The following SLC16A7 variants were observed in gnomAD, a reference collection of about 807,000 sequenced individuals.
SLC16A7 encodes monocarboxylate transporter 2.
A neutral mutation model predicts 34.9 loss-of-function variants in SLC16A7; 33 were observed. The ratio of observed to expected loss-of-function variants is 0.94; its 90% CI spans 0.72 to 1.26. The LOEUF (loss-of-function observed/expected upper bound fraction) is 1.26. SLC16A7 is among the 50% of genes most tolerant of loss of function. The pLI, the probability that SLC16A7 is intolerant of heterozygous loss-of-function variation, is 0.00. For missense variants in SLC16A7, 573 were observed against 578.1 expected, an observed-to-expected ratio of 0.99 and a Z score of 0.09; for synonymous variants, 201 against 206.6, an observed-to-expected ratio of 0.97 and a Z score of 0.23.
intron 2 of SLC16A7, among the ~76,000 whole-genome samples, chr12:59,668,392 G>A (rs1473551018): frequency 1.3e-5 from 2 of 152,196 alleles, no homozygotes; most frequent in South Asian, 2.1e-4. Context: ...GCATCAGCAT[G>A]TCCTGGATTT....
chr12:59,626,585 G>A (rs1879940129), intron 1 of SLC16A7, among the ~76,000 whole-genome samples: 1 of 151,630 alleles, frequency 6.6e-6, no homozygotes, highest in African/African-American at 2.4e-5. Flanking sequence ...CTCAAACACA[G>A]GAGTGCTGAT....
intron 1 of SLC16A7, among the ~76,000 whole-genome samples, chr12:59,597,474 C>T (rs1010701450): frequency 9.2e-5 from 14 of 152,078 alleles, no homozygotes; most frequent in African/African-American, 3.1e-4. Context: ...CCTGTCACCC[C>T]ATGCTTCATG....
At chr12:59,601,331 C>G (rs1358839988) in intron 1 of SLC16A7, among the ~76,000 whole-genome samples, 1 of 152,012 alleles carries the variant, frequency 6.6e-6, no homozygotes, top group Non-Finnish European at 1.5e-5. Context: ...TCTTTTTTAA[C>G]TAGATTAGAT....
At chr12:59,669,480 G>T (rs1307961891) in intron 2 of SLC16A7, among the ~76,000 whole-genome samples, 1 of 152,008 alleles carries the variant, frequency 6.6e-6, no homozygotes, top group Non-Finnish European at 1.5e-5. Flanking sequence ...CTAAGTGCTG[G>T]TCTAATTCAC....
intron 3 of SLC16A7, among the ~76,000 whole-genome samples, chr12:59,720,997 G>A (rs572804193): frequency 6.6e-6 from 1 of 152,096 alleles, no homozygotes; most frequent in South Asian, 2.1e-4. Flanking sequence ...AAAGCCATCA[G>A]CTTAGTTCCT....
At position 59,774,856 on chromosome 12, in the gene SLC16A7, T is replaced by C. The variant is rs773171578; in HGVS notation, c.561T>C (p.Asn187=). 4 of 1,613,828 alleles carry C rather than the reference T, an allele frequency of 2.5e-6. No homozygotes were observed. The highest frequency in any genetic ancestry group is 3.4e-6 in the Non-Finnish European group (4 of 1,179,980). ...SFLILGSLLL[N]ACVAGSLMRP... is the part of the protein sequence containing the mutation. ...TGATTTTGGGAAGTCTACTTTTGAA[T>C]GCCTGTGTGGCTGGTTCCCTCATGA... The change falls in exon 5 of 6, where the codon AAT becomes AAC. Residue 187 remains asparagine, a synonymous_variant. Coordinates refer to ENST00000547379, the MANE Select transcript of SLC16A7 (RefSeq NM_001270623.2).
chr12:59,724,034 C>T (rs188417289), intron 3 of SLC16A7, among the ~76,000 whole-genome samples: 1 of 152,000 alleles, frequency 6.6e-6, no homozygotes, highest in African/African-American at 2.4e-5. Flanking sequence ...GTTGGCCTAC[C>T]GATTGATATA....
chr12:59,671,799 G>GTATATATGTGTATA (rs1280465278), intron 2 of SLC16A7, among the ~76,000 whole-genome samples: 1 of 139,810 alleles, frequency 7.2e-6, no homozygotes, highest in African/African-American at 2.7e-5. Context: ...ATGTATATAT[G>GTATATATGTGTATA]TATATATGTG....
intron 3 of SLC16A7, among the ~76,000 whole-genome samples, chr12:59,739,820 T>G (rs1054400937): frequency 6.6e-6 from 1 of 152,216 alleles, no homozygotes. Context: ...TTTCATGTGT[T>G]TTTTGGCTGC....
At chr12:59,774,534 C>G (rs1342154672) in intron 4 of SLC16A7, 123 bp from the exon 5 acceptor site, 1 of 581,266 alleles carries the variant, frequency 1.7e-6, no homozygotes, top group African/African-American at 1.9e-5. Flanking sequence ...TCAAAATGTA[C>G]TATATGATAT....
intron 2 of SLC16A7, among the ~76,000 whole-genome samples, chr12:59,703,043 C>CATA (rs1487196017): frequency 1.3e-5 from 2 of 152,024 alleles, no homozygotes; most frequent in Non-Finnish European, 2.9e-5. Flanking sequence ...ATTTATTTAG[C>CATA]ATAATAAGTA....
At chr12:59,637,945 C>G (rs563761580) in intron 1 of SLC16A7, among the ~76,000 whole-genome samples, 11 of 152,230 alleles carry the variant, frequency 7.2e-5, no homozygotes, top group Middle Eastern at 3.4e-3. Context: ...AATGATGCAG[C>G]AGGAAGGCCT....
Position 59,704,518 on chromosome 12 carries a change from C to T in SLC16A7, c.-30-254C>T, listed in dbSNP as rs148088769. Among the ~76,000 whole-genome samples, 214 of 152,170 alleles carry T rather than the reference C, an allele frequency of 1.4e-3. 1 individual carries two copies. The highest frequency in any genetic ancestry group is 0.01 in the Middle Eastern group (3 of 294). On this transcript the variant is annotated intron_variant, in intron 2 of 5. Transcript: ENST00000547379. ...CAGTTCAGATCTAAATTCTTAACTT[C>T]ACTTTGAGTAATTTTTGTTTCAATA... is the stretch of plus-strand genomic sequence containing the variant.
chr12:59,696,825 A>C (rs1002199483), intron 2 of SLC16A7, among the ~76,000 whole-genome samples: 1 of 151,996 alleles, frequency 6.6e-6, no homozygotes, highest in Admixed American at 6.6e-5. Flanking sequence ...GAAGAAAAAC[A>C]AAATAAGTAG....
At position 59,688,553 on chromosome 12, in the gene SLC16A7, A is replaced by G. The variant is rs139819078; in HGVS notation, c.-30-16219A>G. ...AAATTGTTAAGTGTCTTGCTTATTGATACTTACCTGTACCATAACAGGTGG... is the reference window on the plus strand; with the variant it reads ...AAATTGTTAAGTGTCTTGCTTATTGGTACTTACCTGTACCATAACAGGTGG... On this transcript the variant is annotated intron_variant, in intron 2 of 5. Coordinates refer to ENST00000547379, the MANE Select transcript of SLC16A7 (RefSeq NM_001270623.2). Among the ~76,000 whole-genome samples, 210 of 152,184 alleles carry G rather than the reference A, an allele frequency of 1.4e-3. 1 individual carries two copies. The highest frequency in any genetic ancestry group is 6.8e-3 in the Middle Eastern group (2 of 294).
intron 3 of SLC16A7, among the ~76,000 whole-genome samples, chr12:59,731,547 G>C (rs1876950094): frequency 6.6e-6 from 1 of 152,110 alleles, no homozygotes; most frequent in Non-Finnish European, 1.5e-5. Flanking sequence ...TCAATTAATT[G>C]AGTTTGCTGG....
At chr12:59,604,940 A>T (rs1166695846) in intron 1 of SLC16A7, among the ~76,000 whole-genome samples, 1 of 152,096 alleles carries the variant, frequency 6.6e-6, no homozygotes, top group East Asian at 1.9e-4. Flanking sequence ...TCTGCGTCCT[A>T]GGTTCATGCC....
intron 2 of SLC16A7, among the ~76,000 whole-genome samples, chr12:59,691,219 T>C (rs949663003): frequency 6.6e-6 from 1 of 152,006 alleles, no homozygotes; most frequent in Non-Finnish European, 1.5e-5. Flanking sequence ...AAAATTAATA[T>C]ACATAGAAAG....
intron 3 of SLC16A7, among the ~76,000 whole-genome samples, chr12:59,719,024 G>A (rs1214137220): frequency 3.9e-5 from 6 of 152,118 alleles, no homozygotes; most frequent in African/African-American, 1.4e-4. Flanking sequence ...ATGTGAGAAT[G>A]TATAAATTGT....
Sources: gnomAD v4.1 joint callset for allele counts (sites outside exome capture counted in the v4.1 genomes callset) on GRCh38, gnomAD v4.1.1 for gene constraint, MANE v1.5 for transcripts, NCBI Gene and HGNC (gene_info 2026-07-23, HGNC 2026-07-21) for gene names.